SOX5: variants seen among roughly 807,000 people sequenced by gnomAD.
SOX5 encodes SRY-box transcription factor 5.
SOX5 carries 9 observed loss-of-function variants against 92.0 expected under a neutral mutation model. That is an observed-to-expected ratio of 0.10 (90% CI 0.06 to 0.17). SOX5 has a LOEUF of 0.17. Among genes scored for constraint, SOX5 ranks in the 10% least tolerant of loss-of-function variants. The pLI, the probability that SOX5 is intolerant of heterozygous loss-of-function variation, is 1.00. For synonymous variants in SOX5, 344 were observed against 336.3 expected (o/e 1.02, Z -0.25); for missense variants, 642 against 944.5 (o/e 0.68, Z 4.20).
chr12:24,058,098 C>A (rs982338025), intron 4 of SOX5, among the ~76,000 whole-genome samples: 10 of 152,204 alleles, frequency 6.6e-5, no homozygotes, highest in Admixed American at 3.9e-4. Flanking sequence ...TGCAAGGATC[C>A]CCTGAGGCAG....
chr12:23,901,292 C>T (rs1162198017), intron 1 of SOX5, among the ~76,000 whole-genome samples: 1 of 152,170 alleles, frequency 6.6e-6, no homozygotes, highest in East Asian at 1.9e-4. Context: ...AGATCCTCTC[C>T]TAGAGCCTCT....
intron 1 of SOX5, among the ~76,000 whole-genome samples, chr12:24,422,605 A>C (rs1037391114): frequency 6.6e-6 from 1 of 152,244 alleles, no homozygotes; most frequent in African/African-American, 2.4e-5. Flanking sequence ...GATGTGTGGG[A>C]ATTCTGCATG....
intron 4 of SOX5, among the ~76,000 whole-genome samples, chr12:24,029,636 T>C (rs1404129138): frequency 6.6e-6 from 1 of 151,972 alleles, no homozygotes; most frequent in Non-Finnish European, 1.5e-5. Flanking sequence ...TGAATACTTG[T>C]TTAACTGCGT....
intron 3 of SOX5, among the ~76,000 whole-genome samples, chr12:23,792,721 AAAC>A (rs2095499009): frequency 6.6e-6 from 1 of 151,336 alleles, no homozygotes; most frequent in South Asian, 2.1e-4. Context: ...ATTCCTTGGA[AAAC>A]AACTGTATTG....
At chr12:23,855,610 C>A (rs1400870302) in intron 2 of SOX5, among the ~76,000 whole-genome samples, 2 of 152,004 alleles carry the variant, frequency 1.3e-5, no homozygotes, top group Middle Eastern at 3.2e-3. Flanking sequence ...GTGAGGACAT[C>A]AGCACCACTA....
At position 23,970,840 on chromosome 12, in the gene SOX5, A is replaced by ATTTTTTTTTTTTT; in HGVS notation, c.-1-74817_-1-74816insAAAAAAAAAAAAA. On this transcript the variant is annotated intron_variant, in intron 4 of 4. Transcript: ENST00000446891. Reference sequence around the variant, plus strand: ...CACATGGGACTTTATATATATATATAATTTTTTTTTTTTTTTAAGAAATGG... The same window carrying ATTTTTTTTTTTTT: ...CACATGGGACTTTATATATATATATATTTTTTTTTTTTTATTTTTTTTTTTTTTTAAGAAATGG... 6.2e-3 allele frequency among the ~76,000 whole-genome samples: 208 copies of ATTTTTTTTTTTTT among 33,464 alleles called. 27 individuals are homozygous for ATTTTTTTTTTTTT. The highest frequency in any genetic ancestry group is 0.02 in the African/African-American group (196 of 9,752). 22.0% of individuals were successfully genotyped at this position (33,464 alleles called of 152,430 possible).
chr12:24,389,217 T>G (rs1251765931), intron 1 of SOX5, among the ~76,000 whole-genome samples: 3 of 152,306 alleles, frequency 2.0e-5, no homozygotes, highest in East Asian at 3.9e-4. Context: ...TTTGGTTTTT[T>G]GTTCTTGCGA....
intron 4 of SOX5, among the ~76,000 whole-genome samples, chr12:24,206,165 C>CA (rs1320403033): frequency 1.3e-5 from 2 of 152,032 alleles, no homozygotes; most frequent in Admixed American, 6.5e-5. Context: ...AGATAAGAGC[C>CA]AAAAAATCAT....
chr12:23,892,031 T>A (rs1009452967), intron 2 of SOX5, among the ~76,000 whole-genome samples: 5 of 152,148 alleles, frequency 3.3e-5, no homozygotes, highest in Non-Finnish European at 7.4e-5. Context: ...ATCTAGTATA[T>A]GTTAGATCCC....
intron 3 of SOX5, among the ~76,000 whole-genome samples, chr12:24,234,314 A>G (rs1320501558): frequency 6.6e-6 from 1 of 152,236 alleles, no homozygotes; most frequent in Non-Finnish European, 1.5e-5. Context: ...AAACAATACA[A>G]TTTTTAAAAA....
chr12:23,576,941 G>A (rs1480206903), intron 9 of SOX5, among the ~76,000 whole-genome samples: 1 of 151,046 alleles, frequency 6.6e-6, no homozygotes, highest in Non-Finnish European at 1.5e-5. Flanking sequence ...CACGAGTTAA[G>A]AACATAAAAT....
rs5797062 is a variant in SOX5 at position 24,094,454 on chromosome 12, C to CTTTTTTTTTTT, written c.-2+118878_-2+118888dup. Among the ~76,000 whole-genome samples the CTTTTTTTTTTT allele has an allele frequency of 1.9e-4, 24 of 127,724 alleles. 1 individual carries two copies. Among genetic ancestry groups the CTTTTTTTTTTT allele is most frequent in the Non-Finnish European group, 2.0e-4 (12 of 60,626 alleles). The allele number at this position is 127,724 out of a possible 152,430, so 83.8% of individuals were successfully genotyped here. On this transcript the variant is annotated intron_variant, in intron 4 of 4. Transcript: ENST00000446891. The stretch of plus-strand genomic sequence containing the variant: ...TCCAATACCTCTCCACTATTAGTGG[C>CTTTTTTTTTTT]TTTTTTTTTTTTTTTTGTATTTATT...
rs1473234359 is a variant in SOX5, at chr12:24,476,816, G to A, written c.-251+85513C>T. Among the ~76,000 whole-genome samples, 4 of 152,022 alleles carry A rather than the reference G, an allele frequency of 2.6e-5. No homozygotes were observed. In the East Asian group the frequency reaches 5.8e-4, roughly 22 times the overall value. On this transcript the variant is annotated intron_variant, in intron 1 of 4. Transcript: ENST00000446891. ...ACTGCAAAAATAAATATCTACCATA[G>A]AGACTGAATAAAGTGATACTGAAGA...
intron 2 of SOX5, among the ~76,000 whole-genome samples, chr12:24,352,238 G>A (rs1349615352): frequency 6.6e-6 from 1 of 152,168 alleles, no homozygotes; most frequent in Non-Finnish European, 1.5e-5. Context: ...CTAGCTACAT[G>A]GGAAAGTGTT....
chr12:24,283,440 C>T (rs761360076), intron 2 of SOX5, among the ~76,000 whole-genome samples: 2 of 152,180 alleles, frequency 1.3e-5, no homozygotes, highest in African/African-American at 2.4e-5. Flanking sequence ...CTTGCATATA[C>T]GGTGCCTTTG....
At chr12:24,052,840 T>A (rs1470698552) in intron 4 of SOX5, among the ~76,000 whole-genome samples, 2 of 152,216 alleles carry the variant, frequency 1.3e-5, no homozygotes, top group African/African-American at 4.8e-5. Context: ...TTTCACTAAT[T>A]TGTAACCAAT....
chr12:23,718,072 T>TAATTTTTA (rs138755201), intron 6 of SOX5, among the ~76,000 whole-genome samples: 26,494 of 151,954 alleles, frequency 0.17, 2,545 homozygotes, highest in Middle Eastern at 0.25. Context: ...AAGTTCATGA[T>TAATTTTTA]AATTTTTAAA....
intron 1 of SOX5, among the ~76,000 whole-genome samples, chr12:24,420,015 C>T (rs192261490): frequency 3.0e-4 from 45 of 152,318 alleles, no homozygotes; most frequent in Admixed American, 1.4e-3. Flanking sequence ...TAAATGTATA[C>T]ATTATGGTTG....
chr12:24,437,544 A>G (rs1939680053), intron 1 of SOX5, among the ~76,000 whole-genome samples: 1 of 152,138 alleles, frequency 6.6e-6, no homozygotes, highest in Non-Finnish European at 1.5e-5. Flanking sequence ...AGAATCTACA[A>G]AGGGCTAATA....
Sources: gnomAD v4.1 joint callset for allele counts (sites outside exome capture counted in the v4.1 genomes callset) on GRCh38, gnomAD v4.1.1 for gene constraint, MANE v1.5 for transcripts, NCBI Gene and HGNC (gene_info 2026-07-23, HGNC 2026-07-21) for gene names.